Variants in BRINP3 observed in about 807,000 individuals in gnomAD.
BRINP3 encodes BMP/retinoic acid-inducible neural-specific protein 3.
Under a neutral mutation model 71.0 loss-of-function variants are expected in BRINP3, and 19 were observed. The ratio of observed to expected loss-of-function variants is 0.27; its 90% CI spans 0.19 to 0.39. The LOEUF is 0.39. Ranked by LOEUF, BRINP3 falls within the 10% of genes least tolerant of loss-of-function variation. The pLI, the probability that BRINP3 is intolerant of heterozygous loss-of-function variation, is 1.00. For synonymous variants in BRINP3, 380 were observed against 337.7 expected (o/e 1.13, Z -1.37); for missense variants, 959 against 940.8 (o/e 1.02, Z -0.25).
intron 2 of BRINP3, among the ~76,000 whole-genome samples, chr1:190,305,103 A>T (rs571728716): frequency 1.2e-3 from 188 of 152,040 alleles, no homozygotes; most frequent in African/African-American, 4.3e-3. Context: ...TATAAAAAAT[A>T]AAAAAATAAA....
chr1:190,400,691 A>G (rs1414488972), intron 2 of BRINP3, among the ~76,000 whole-genome samples: 1 of 152,134 alleles, frequency 6.6e-6, no homozygotes, highest in Non-Finnish European at 1.5e-5. Context: ...ATAACAAAAC[A>G]CTAATTTTGT....
At chr1:190,144,445 C>T (rs983806027) in intron 7 of BRINP3, among the ~76,000 whole-genome samples, 2 of 151,338 alleles carry the variant, frequency 1.3e-5, no homozygotes, top group African/African-American at 4.9e-5. Flanking sequence ...ATGTTAGTAC[C>T]CTACAGAAAT....
intron 6 of BRINP3, among the ~76,000 whole-genome samples, chr1:190,183,088 T>C (rs1239241920): frequency 6.6e-6 from 1 of 152,048 alleles, no homozygotes; most frequent in Non-Finnish European, 1.5e-5. Flanking sequence ...TAGCAATCAG[T>C]CTAACTTGTC....
At chr1:190,342,843 T>C (rs111353217) in intron 2 of BRINP3, 1 of 151,840 alleles carries the variant, frequency 6.6e-6, no homozygotes, top group African/African-American at 2.4e-5. Flanking sequence ...TTTAAACATA[T>C]GAAGTATATC....
chr1:190,132,502 A>G (rs1266764075), intron 7 of BRINP3, among the ~76,000 whole-genome samples: 1 of 152,012 alleles, frequency 6.6e-6, no homozygotes, highest in Non-Finnish European at 1.5e-5. Flanking sequence ...TTCTTATCCA[A>G]TTGTAAATTT....
chr1:190,475,692 A>T (rs1677451473), intron 1 of BRINP3: 1 of 152,210 alleles, frequency 6.6e-6, no homozygotes, highest in Non-Finnish European at 1.5e-5. Context: ...CCTCCAGTTA[A>T]AACGTTCTTG....
intron 2 of BRINP3, among the ~76,000 whole-genome samples, chr1:190,368,781 C>A (rs956073979): frequency 1.3e-5 from 2 of 151,944 alleles, no homozygotes; most frequent in African/African-American, 4.8e-5. Context: ...GGAATCAGAC[C>A]TTAGTTATAG....
rs143405362 is a variant in BRINP3, at chr1:190,156,075, C to T, written c.1184+4593G>A. On this transcript the variant is annotated intron_variant, in intron 7 of 7. Transcript: ENST00000367462. Reference sequence around the variant, plus strand: ...GACTACCTCAAGGAAACCAAATTGTCGCAGGCTTTAGAGTTTACTCAAGTA... The same window carrying T: ...GACTACCTCAAGGAAACCAAATTGTTGCAGGCTTTAGAGTTTACTCAAGTA... Among the ~76,000 whole-genome samples the T allele has an allele frequency of 2.9e-4, 44 of 152,116 alleles. 1 individual carries two copies. The East Asian group carries it at 7.2e-3, about 25-fold the overall frequency.
chr1:190,148,921 A>T (rs933738467), intron 7 of BRINP3, among the ~76,000 whole-genome samples: 6 of 152,190 alleles, frequency 3.9e-5, no homozygotes, highest in African/African-American at 1.4e-4. Context: ...CTGAGAAATA[A>T]CATGGTAGAG....
At position 190,210,727 on chromosome 1, in the gene BRINP3, A is replaced by G. The variant is rs144507264; in HGVS notation, c.961+15355T>C. On this transcript the variant is annotated intron_variant, in intron 6 of 7. Transcript: ENST00000367462. ...ATGGTTAATACTGATTGTCAACTTG[A>G]TTGGCAAAGTATTGTTCCTGGGTAT... is the stretch of plus-strand genomic sequence containing the variant. Among the ~76,000 whole-genome samples the G allele has an allele frequency of 5.5e-3, 831 of 152,174 alleles. 6 individuals are homozygous for G. The highest frequency in any genetic ancestry group is 0.018 in the African/African-American group (758 of 41,574).
At chr1:190,335,620 T>C (rs1324819414) in intron 2 of BRINP3, among the ~76,000 whole-genome samples, 1 of 151,824 alleles carries the variant, frequency 6.6e-6, no homozygotes, top group Non-Finnish European at 1.5e-5. Context: ...TTCAGACATT[T>C]TAAAGAATAT....
At chr1:190,407,325 T>TG (rs879666302) in intron 2 of BRINP3, among the ~76,000 whole-genome samples, 1 of 152,162 alleles carries the variant, frequency 6.6e-6, no homozygotes, top group Non-Finnish European at 1.5e-5. Context: ...CATATAAGTC[T>TG]GGGGGGAGCA....
chr1:190,102,745 A>G (rs1651808216), intron 7 of BRINP3, among the ~76,000 whole-genome samples: 1 of 152,070 alleles, frequency 6.6e-6, no homozygotes, highest in Non-Finnish European at 1.5e-5. Flanking sequence ...AATTGACATG[A>G]TAAATACCAT....
intron 5 of BRINP3, among the ~76,000 whole-genome samples, chr1:190,232,090 A>G (rs1410337226): frequency 6.6e-6 from 1 of 151,994 alleles, no homozygotes; most frequent in East Asian, 1.9e-4. Flanking sequence ...TAGAAAGAAA[A>G]CACAACACAC....
intron 2 of BRINP3, among the ~76,000 whole-genome samples, chr1:190,332,194 T>C (rs1667009032): frequency 6.6e-6 from 1 of 152,078 alleles, no homozygotes; most frequent in East Asian, 1.9e-4. Context: ...GTGAATTTCC[T>C]GTAAACAATT....
chr1:190,459,829 A>G (rs1156682252), intron 1 of BRINP3, among the ~76,000 whole-genome samples: 1 of 152,096 alleles, frequency 6.6e-6, no homozygotes, highest in Non-Finnish European at 1.5e-5. Flanking sequence ...AATAATGTAG[A>G]ACCCATGGAA....
chr1:190,222,947 A>G (rs1249224870), intron 6 of BRINP3, among the ~76,000 whole-genome samples: 3 of 151,926 alleles, frequency 2.0e-5, no homozygotes, highest in Non-Finnish European at 4.4e-5. Context: ...TCCTGGACAC[A>G]CACAACTTAC....
At chr1:190,173,461 A>G (rs1281496640) in intron 6 of BRINP3, among the ~76,000 whole-genome samples, 1 of 152,230 alleles carries the variant, frequency 6.6e-6, no homozygotes, top group African/African-American at 2.4e-5. Context: ...GTCAAGAGAA[A>G]GGGAGATACA....
intron 2 of BRINP3, among the ~76,000 whole-genome samples, chr1:190,368,499 A>C (rs1272632179): frequency 1.3e-5 from 2 of 152,088 alleles, no homozygotes; most frequent in East Asian, 1.9e-4. Context: ...GATGTAACAA[A>C]AGCCCATCAA....
Sources: allele counts gnomAD v4.1 joint callset (sites outside exome capture counted in the v4.1 genomes callset), GRCh38; gene constraint gnomAD v4.1.1; transcripts MANE v1.5; gene names NCBI Gene and HGNC (gene_info 2026-07-23, HGNC 2026-07-21).